GLIS3: variants seen among roughly 807,000 people sequenced by gnomAD.
The protein encoded by GLIS3 is GLIS family zinc finger 3.
Under a neutral mutation model 78.6 loss-of-function variants are expected in GLIS3, and 53 were observed. The observed-to-expected ratio is 0.67, with a 90% CI of 0.54 to 0.85. The LOEUF is 0.85. Among genes scored for constraint, GLIS3 ranks in the 40% least tolerant of loss-of-function variants. The probability of loss-of-function intolerance (pLI) is 0.00; values close to 1 mark genes in which losing one functional copy is unlikely to be tolerated. For synonymous variants in GLIS3, 684 were observed against 509.9 expected, an observed-to-expected ratio of 1.34 and a Z score of -4.60; for missense variants, 1,703 against 1,231.1, an observed-to-expected ratio of 1.38 and a Z score of -5.74.
At chr9:4,363,647 GA>G in the GLIS3 span, among the ~76,000 whole-genome samples, 1 of 152,278 alleles carries the variant, frequency 6.6e-6, no homozygotes, top group East Asian at 1.9e-4. Context: ...CTGGCATCCA[GA>G]ACTGGATTCT....
chr9:3,835,416 T>G (rs1256642998), intron 9 of GLIS3, among the ~76,000 whole-genome samples: 2 of 152,216 alleles, frequency 1.3e-5, no homozygotes, highest in South Asian at 4.1e-4. Flanking sequence ...AGGAGACTCC[T>G]TGGAAATAAT....
At chr9:3,894,506 A>C (rs1410114518) in intron 7 of GLIS3, among the ~76,000 whole-genome samples, 1 of 152,184 alleles carries the variant, frequency 6.6e-6, no homozygotes, top group Non-Finnish European at 1.5e-5. Context: ...ATTAAAATGA[A>C]ATAGTAACTA....
chr9:4,170,648 T>C (rs568832426), intron 2 of GLIS3, among the ~76,000 whole-genome samples: 1 of 152,258 alleles, frequency 6.6e-6, no homozygotes, highest in African/African-American at 2.4e-5. Flanking sequence ...TAAGCCTCCA[T>C]CAGAAGGCTT....
At position 3,826,051 on chromosome 9, in the gene GLIS3, T is replaced by A. The variant is rs1036104513; in HGVS notation, c.*2221A>T. On this transcript the variant is annotated 3_prime_UTR_variant, in exon 11 of 11. Coordinates refer to ENST00000381971, the MANE Select transcript of GLIS3 (RefSeq NM_001042413.2). ...CAGCTCCTCTCAAAGAGGGAGGTGA[T>A]GTCCATGGTTTCTAAAGTTGAGCTT... is the stretch of plus-strand genomic sequence containing the variant. 6.6e-6 allele frequency: 1 copy of A among 152,180 alleles called. No homozygotes were observed. Among genetic ancestry groups the A allele is most frequent in the Non-Finnish European group, 1.5e-5 (1 of 68,034 alleles). 9.4% of individuals were successfully genotyped at this position (152,180 alleles called of 1,614,324 possible).
intron 2 of GLIS3, among the ~76,000 whole-genome samples, chr9:4,155,177 C>T (rs528354705): frequency 7.2e-5 from 11 of 151,984 alleles, no homozygotes; most frequent in Non-Finnish European, 1.3e-4. Flanking sequence ...AATTTTTCTA[C>T]ACTGAAAAAA....
chr9:4,094,401 T>A (rs1385238636), intron 4 of GLIS3, among the ~76,000 whole-genome samples: 1 of 152,224 alleles, frequency 6.6e-6, no homozygotes, highest in Non-Finnish European at 1.5e-5. Context: ...AATTTTTGTT[T>A]TTTTACTCTA....
At chr9:3,864,562 C>G (rs1378965503) in intron 8 of GLIS3, among the ~76,000 whole-genome samples, 1 of 152,158 alleles carries the variant, frequency 6.6e-6, no homozygotes, top group Non-Finnish European at 1.5e-5. Flanking sequence ...GAAGCCACAA[C>G]CAGAGAAGAT....
intron 2 of GLIS3, among the ~76,000 whole-genome samples, chr9:4,153,578 T>C (rs759986308): frequency 1.3e-5 from 2 of 152,042 alleles, no homozygotes; most frequent in East Asian, 1.9e-4. Context: ...TATATATATA[T>C]TGTGGAACAC....
chr9:4,363,439 G>A, the GLIS3 span, among the ~76,000 whole-genome samples: 1 of 152,076 alleles, frequency 6.6e-6, no homozygotes, highest in African/African-American at 2.4e-5. Context: ...TCAATAACTT[G>A]GTTGTTTTAA....
At chr9:4,383,906 G>T in the GLIS3 span, among the ~76,000 whole-genome samples, 1 of 152,202 alleles carries the variant, frequency 6.6e-6, no homozygotes, top group Non-Finnish European at 1.5e-5. Flanking sequence ...AAAGGCCTTT[G>T]TTAGCTAGGT....
intron 2 of GLIS3, among the ~76,000 whole-genome samples, chr9:4,334,461 T>A (rs116333668): frequency 1.3e-5 from 2 of 152,166 alleles, no homozygotes; most frequent in African/African-American, 4.8e-5. Context: ...CCTGAAACAA[T>A]TGTAGTGCAA....
intron 4 of GLIS3, among the ~76,000 whole-genome samples, chr9:4,033,664 G>A (rs970170774): frequency 6.6e-6 from 1 of 152,038 alleles, no homozygotes; most frequent in African/African-American, 2.4e-5. Context: ...AAAATCTCTA[G>A]GTGATTCCTA....
In GLIS3 at chr9:3,824,852, A is replaced by G. The variant is rs1345996262; in HGVS notation, c.*3420T>C. The G allele has an allele frequency of 1.3e-5, 2 of 152,298 alleles. No homozygotes were observed. The highest frequency in any genetic ancestry group is 2.4e-5 in the African/African-American group (1 of 41,324). The allele number at this position is 152,298 out of a possible 1,614,324, so 9.4% of individuals were successfully genotyped here. On this transcript the variant is annotated 3_prime_UTR_variant, in exon 11 of 11. Coordinates refer to ENST00000381971, the MANE Select transcript of GLIS3 (RefSeq NM_001042413.2). ...ACACAGGATACTTTGCTGTCTGTAC[A>G]AAATAAATCTCTTTTTACACTCACT...
At chr9:3,986,604 G>C (rs1157505316) in intron 4 of GLIS3, among the ~76,000 whole-genome samples, 2 of 152,218 alleles carry the variant, frequency 1.3e-5, no homozygotes, top group Non-Finnish European at 2.9e-5. Flanking sequence ...AATGTCTTGA[G>C]AGCAGGGGCA....
intron 2 of GLIS3, among the ~76,000 whole-genome samples, chr9:4,340,309 T>C (rs1587394531): frequency 7.7e-6 from 1 of 130,012 alleles, no homozygotes; most frequent in African/African-American, 2.9e-5. Context: ...AAAAAAAAAG[T>C]ATGTCATTTT....
At chr9:4,437,245 C>G in the GLIS3 span, among the ~76,000 whole-genome samples, 1 of 152,092 alleles carries the variant, frequency 6.6e-6, no homozygotes, top group African/African-American at 2.4e-5. Context: ...TGCTGGACCC[C>G]CAACTGCATG....
the GLIS3 span, among the ~76,000 whole-genome samples, chr9:4,380,523 A>G: frequency 0.047 from 7,217 of 152,284 alleles, 568 homozygotes; most frequent in African/African-American, 0.16. Flanking sequence ...AGTACATCTC[A>G]CACTTTTGCA....
At chr9:4,153,917 T>C (rs1834865617) in intron 2 of GLIS3, among the ~76,000 whole-genome samples, 1 of 152,146 alleles carries the variant, frequency 6.6e-6, no homozygotes, top group Non-Finnish European at 1.5e-5. Context: ...TCATTTGGGG[T>C]CTCTCATGCA....
intron 2 of GLIS3, among the ~76,000 whole-genome samples, chr9:4,133,429 C>T (rs79177665): frequency 1.3e-5 from 2 of 152,088 alleles, no homozygotes; most frequent in African/African-American, 2.4e-5. Flanking sequence ...GGATATCACT[C>T]GACACTTGGG....
Sources: allele counts gnomAD v4.1 joint callset (sites outside exome capture counted in the v4.1 genomes callset), GRCh38; gene constraint gnomAD v4.1.1; transcripts MANE v1.5; gene names NCBI Gene and HGNC (gene_info 2026-07-23, HGNC 2026-07-21).